GRM4: variants seen among roughly 807,000 people sequenced by gnomAD.
GRM4 encodes the protein metabotropic glutamate receptor 4.
GRM4 carries 28 observed loss-of-function variants against 81.7 expected under a neutral mutation model. The ratio of observed to expected loss-of-function variants is 0.34; its 90% CI spans 0.25 to 0.47. The LOEUF (loss-of-function observed/expected upper bound fraction) is 0.47. GRM4 is among the 20% of genes least tolerant of loss of function. GRM4 has a pLI of 1.00. For synonymous variants in GRM4, 488 were observed against 528.8 expected (o/e 0.92, Z 1.06); for missense variants, 948 against 1,290.0 (o/e 0.73, Z 4.06).
rs1327369056 is a variant in GRM4 at position 34,069,508 on chromosome 6, G to A, written c.737-7480C>T. On this transcript the variant is annotated intron_variant, in intron 3 of 10. Coordinates refer to ENST00000538487, the MANE Select transcript of GRM4 (RefSeq NM_000841.4). This position sits in a 1 kb window ranked among gnomAD's most constrained non-coding sequence, Gnocchi z 6.4. ...GCTGGGCTGGCTCCAGCTGGATCTG[G>A]GACTGCACAGAGGGCCAGGCCTAGT... 8.5e-5 allele frequency among the ~76,000 whole-genome samples: 13 copies of A among 152,114 alleles called. No individual in the cohort carries two copies. The highest frequency in any genetic ancestry group is 1.3e-4 in the Admixed American group (2 of 15,278).
rs966681341 is a variant in GRM4 at position 34,022,997 on chromosome 6, G to C, written c.2690-127C>G. ...CCCGCCTCTCATGGCATCCAGTCCT[G>C]AGCTGAGCAATCGACACTGCCCCAA... On this transcript the variant is annotated intron_variant, in intron 10 of 10. Transcript: ENST00000538487. The surrounding 1 kb of genome is among the most constrained non-coding windows in gnomAD (Gnocchi z 5.6). 13 of 776,690 alleles carry C rather than the reference G, an allele frequency of 1.7e-5. No individual in the cohort carries two copies. Among genetic ancestry groups the C allele is most frequent in the African/African-American group, 3.4e-5 (2 of 58,922 alleles). 48.1% of individuals were successfully genotyped at this position (776,690 alleles called of 1,614,324 possible).
intron 1 of GRM4, among the ~76,000 whole-genome samples, chr6:34,153,551 G>A (rs1771089467): frequency 6.6e-6 from 1 of 152,250 alleles, no homozygotes; most frequent in African/African-American, 2.4e-5. Flanking sequence ...GAGCAGCTGT[G>A]AGCGGGGAGA....
chr6:34,066,636 G>C (rs535339307), intron 3 of GRM4, among the ~76,000 whole-genome samples: 2 of 151,976 alleles, frequency 1.3e-5, no homozygotes, highest in African/African-American at 4.8e-5. Flanking sequence ...GACTAAACAA[G>C]GACAGGAAGG....
chr6:34,064,800 T>C lies in GRM4; in HGVS notation c.737-2772A>G, dbSNP rs528530537. 4.6e-5 allele frequency among the ~76,000 whole-genome samples: 7 copies of C among 152,266 alleles called. No homozygotes were observed. Among genetic ancestry groups the C allele is most frequent in the Admixed American group, 1.3e-4 (2 of 15,306 alleles). ...GGCCACTGAGCACCCCCTGCATGCC[T>C]GGCACCATGCGAGGCCCAGTCTCAA... is the stretch of plus-strand genomic sequence containing the variant. On this transcript the variant is annotated intron_variant, in intron 3 of 10. Coordinates refer to ENST00000538487, the MANE Select transcript of GRM4 (RefSeq NM_000841.4). This position sits in a 1 kb window ranked among gnomAD's most constrained non-coding sequence, Gnocchi z 4.4.
At chr6:34,102,761 A>T (rs1768907083) in intron 2 of GRM4, among the ~76,000 whole-genome samples, 1 of 152,210 alleles carries the variant, frequency 6.6e-6, no homozygotes, top group African/African-American at 2.4e-5. Flanking sequence ...TTCATTGAAC[A>T]AAGGGGACAC....
chr6:34,028,004 C>G, intron 10 of GRM4, 116 bp downstream of exon 10: 9 of 1,217,482 alleles, frequency 7.4e-6, no homozygotes, highest in Non-Finnish European at 1.0e-5. Flanking sequence ...CCCGCCGCCT[C>G]CCCAGGATGG....
chr6:34,141,005 C>A (rs1294976781), intron 1 of GRM4, among the ~76,000 whole-genome samples: 1 of 152,256 alleles, frequency 6.6e-6, no homozygotes, highest in Non-Finnish European at 1.5e-5. Flanking sequence ...CAATCACCCT[C>A]CACAAGCTTA....
At chr6:34,056,832 G>GC in intron 5 of GRM4, 148 bp from the exon 6 acceptor site, 2 of 887,908 alleles carry the variant, frequency 2.3e-6, no homozygotes, top group Non-Finnish European at 3.4e-6. Context: ...AAAACAAAAT[G>GC]TGGAGCATTT....
chr6:34,052,462 T>C (rs1441384149), intron 6 of GRM4, among the ~76,000 whole-genome samples: 4 of 152,208 alleles, frequency 2.6e-5, no homozygotes, highest in African/African-American at 9.6e-5. Context: ...TCCCACCCTC[T>C]TGGACGGTCA....
chr6:34,125,195 G>C (rs190563566), intron 2 of GRM4, among the ~76,000 whole-genome samples: 2 of 152,090 alleles, frequency 1.3e-5, no homozygotes, highest in African/African-American at 4.8e-5. Context: ...GGATGGTCTC[G>C]ATCTCCTGAC....
chr6:34,122,608 G>A (rs964242058), intron 2 of GRM4, among the ~76,000 whole-genome samples: 127 of 147,466 alleles, frequency 8.6e-4, no homozygotes, highest in East Asian at 3.0e-3. Flanking sequence ...TTCATTCAGC[G>A]GTGGGCGGGG....
Position 34,089,949 on chromosome 6 carries a change from CA to C in GRM4, c.736+1933del, listed in dbSNP as rs1260494206. 6.6e-6 allele frequency among the ~76,000 whole-genome samples: 1 copy of C among 152,142 alleles called. No homozygotes were observed. The highest frequency in any genetic ancestry group is 1.5e-5 in the Non-Finnish European group (1 of 68,032). The stretch of plus-strand genomic sequence containing the variant: ...CGCAAATGACAGAAGACAGAGAAGA[CA>C]AGAGTACAGAAACAGATGAGACCTC... On this transcript the variant is annotated intron_variant, in intron 3 of 10. Coordinates refer to ENST00000538487, the MANE Select transcript of GRM4 (RefSeq NM_000841.4). This position sits in a 1 kb window ranked among gnomAD's most constrained non-coding sequence, Gnocchi z 4.3.
At chr6:34,128,932 A>T (rs1770130719) in intron 2 of GRM4, among the ~76,000 whole-genome samples, 1 of 152,210 alleles carries the variant, frequency 6.6e-6, no homozygotes. Context: ...CTGAGCTCTT[A>T]CAGGTACAGA....
Position 34,102,000 on chromosome 6 carries a change from G to A in GRM4, c.520-9901C>T, listed in dbSNP as rs752833733. The A allele has an allele frequency of 3.4e-4, 515 of 1,535,000 alleles. 1 individual carries two copies. Among genetic ancestry groups the A allele is most frequent in the Non-Finnish European group, 3.9e-4 (448 of 1,146,496 alleles). ...ACCTGTGCCCTAGTGGCCAGGTCAGGGCCTCTCACCAGGATCCTTACCTGT... is the reference window on the plus strand; with the variant it reads ...ACCTGTGCCCTAGTGGCCAGGTCAGAGCCTCTCACCAGGATCCTTACCTGT... On this transcript the variant is annotated intron_variant, in intron 2 of 10. Coordinates refer to ENST00000538487, the MANE Select transcript of GRM4 (RefSeq NM_000841.4).
Position 34,036,258 on chromosome 6 carries a change from C to T in GRM4, c.1852G>A (p.Val618Ile), listed in dbSNP as rs369265043. ...CTCAGTTCACGGCCCGAGGCCTTGA[C>T]GATGGGCGTGTCGTTGTAGCGCACA... ...TFVRYNDTPI[V>I]KASGRELSYV... is the part of the protein sequence containing the mutation. Residue 618 changes from valine to isoleucine, a missense_variant, in exon 9 of 11, where the codon GTC becomes ATC. By Grantham distance (29) the Val-to-Ile change is conservative (BLOSUM62 3). Transcript: ENST00000538487. This position sits in a 1 kb window ranked among gnomAD's most constrained non-coding sequence, Gnocchi z 9.0. 110 of 1,614,002 alleles carry T rather than the reference C, an allele frequency of 6.8e-5. No individual in the cohort carries two copies. Among genetic ancestry groups the T allele is most frequent in the Non-Finnish European group, 8.9e-5 (105 of 1,179,982 alleles).
intron 6 of GRM4, among the ~76,000 whole-genome samples, chr6:34,053,300 TC>T (rs564914848): frequency 1.7e-3 from 263 of 152,236 alleles, no homozygotes; most frequent in African/African-American, 5.9e-3. Flanking sequence ...TGGGTGTCAC[TC>T]CAGCCCTCCT....
chr6:34,088,551 A>G (rs1477322011), intron 3 of GRM4, among the ~76,000 whole-genome samples: 3 of 152,194 alleles, frequency 2.0e-5, no homozygotes, highest in Non-Finnish European at 4.4e-5. Flanking sequence ...GTCTGCCCGA[A>G]GGAGCCTGAC....
At chr6:34,056,377 C>G in intron 6 of GRM4, 167 bp downstream of exon 6, 1 of 620,614 alleles carries the variant, frequency 1.6e-6, no homozygotes, top group Non-Finnish European at 2.8e-6. Context: ...CCCCTCAAGG[C>G]CCCGCCCCAG....
chr6:34,041,839 TTAAG>T (rs1765033694), intron 6 of GRM4, among the ~76,000 whole-genome samples: 3 of 152,200 alleles, frequency 2.0e-5, no homozygotes, highest in South Asian at 2.1e-4. Context: ...AACAATAACA[TTAAG>T]TAAGTAACTT....
Sources: gnomAD v4.1 joint callset for allele counts (sites outside exome capture counted in the v4.1 genomes callset) on GRCh38, gnomAD v4.1.1 for gene constraint, Gnocchi (gnomAD v3.1) non-coding constraint, MANE v1.5 for transcripts, NCBI Gene and HGNC (gene_info 2026-07-23, HGNC 2026-07-21) for gene names.